The following MYRIP variants were observed in gnomAD, a reference collection of about 807,000 sequenced individuals.
MYRIP encodes rab effector MyRIP.
Under a neutral mutation model 98.0 loss-of-function variants are expected in MYRIP, and 49 were observed. The observed-to-expected ratio is 0.50, with a 90% CI of 0.40 to 0.63. The LOEUF is 0.63. MYRIP is among the 30% of genes least tolerant of loss of function. The pLI, the probability that MYRIP is intolerant of heterozygous loss-of-function variation, is 0.00. For missense variants in MYRIP, 1,004 were observed against 1,058.2 expected (o/e 0.95, Z 0.71); for synonymous variants, 404 against 409.5 (o/e 0.99, Z 0.16).
chr3:40,049,257 A>G (rs1363295530), intron 3 of MYRIP, among the ~76,000 whole-genome samples: 1 of 152,060 alleles, frequency 6.6e-6, no homozygotes, highest in Non-Finnish European at 1.5e-5. Context: ...GTTTGTGGCA[A>G]CCCTGCATTG....
intron 1 of MYRIP, among the ~76,000 whole-genome samples, chr3:39,896,080 T>C (rs1943604758): frequency 6.6e-6 from 1 of 152,188 alleles, no homozygotes; most frequent in African/African-American, 2.4e-5. Context: ...TGTCAGTGAC[T>C]TAGAGAAACT....
intron 2 of MYRIP, among the ~76,000 whole-genome samples, chr3:39,940,459 A>G (rs1367446763): frequency 1.3e-5 from 2 of 152,114 alleles, no homozygotes; most frequent in African/African-American, 2.4e-5. Flanking sequence ...TTAAGTAGCT[A>G]GTGTAGTGGA....
At chr3:40,085,664 C>T (rs1246785016) in intron 3 of MYRIP, among the ~76,000 whole-genome samples, 1 of 152,038 alleles carries the variant, frequency 6.6e-6, no homozygotes, top group East Asian at 1.9e-4. Context: ...AGCAGAGCAG[C>T]CCCAGCAAGG....
intron 1 of MYRIP, among the ~76,000 whole-genome samples, chr3:39,851,653 A>G (rs1188591040): frequency 6.6e-6 from 1 of 152,192 alleles, no homozygotes; most frequent in East Asian, 1.9e-4. Flanking sequence ...ATACAGGGAT[A>G]ATTAGATCTC....
chr3:39,878,024 T>G (rs1390145928), intron 1 of MYRIP, among the ~76,000 whole-genome samples: 1 of 152,236 alleles, frequency 6.6e-6, no homozygotes, highest in Non-Finnish European at 1.5e-5. Flanking sequence ...GGCTGCTTTG[T>G]TTACCTAAGC....
intron 7 of MYRIP, among the ~76,000 whole-genome samples, chr3:40,167,638 C>T (rs1482323564): frequency 6.6e-6 from 1 of 152,130 alleles, no homozygotes; most frequent in Non-Finnish European, 1.5e-5. Flanking sequence ...AAGTTAAGGG[C>T]CCAGTCCCAC....
At chr3:39,831,948 C>G (rs1186473119) in intron 1 of MYRIP, among the ~76,000 whole-genome samples, 1 of 152,122 alleles carries the variant, frequency 6.6e-6, no homozygotes, top group Admixed American at 6.5e-5. Flanking sequence ...TATTCACAAC[C>G]AAGTTAAAGG....
At chr3:39,867,046 C>A (rs1684178596) in intron 1 of MYRIP, among the ~76,000 whole-genome samples, 1 of 152,070 alleles carries the variant, frequency 6.6e-6, no homozygotes, top group South Asian at 2.1e-4. Context: ...TAACTAATAC[C>A]TAATAGTGAA....
chr3:40,142,047 ATTTTTT>A (rs768094065), intron 3 of MYRIP, among the ~76,000 whole-genome samples: 1 of 95,950 alleles, frequency 1.0e-5, no homozygotes, highest in Non-Finnish European at 2.0e-5. Flanking sequence ...TATGCTGTTG[ATTTTTT>A]TTTTTTTTTT....
intron 12 of MYRIP, among the ~76,000 whole-genome samples, chr3:40,240,381 C>T (rs946103010): frequency 2.0e-5 from 3 of 152,132 alleles, no homozygotes; most frequent in African/African-American, 2.4e-5. Flanking sequence ...TCTGAGGTAC[C>T]GGGTTCATCT....
intron 3 of MYRIP, among the ~76,000 whole-genome samples, chr3:40,082,890 A>T (rs1948510147): frequency 6.6e-6 from 1 of 152,234 alleles, no homozygotes; most frequent in African/African-American, 2.4e-5. Context: ...GACACTTAAT[A>T]AGATAAAATC....
intron 12 of MYRIP, among the ~76,000 whole-genome samples, chr3:40,234,974 C>T (rs1238367130): frequency 7.8e-6 from 1 of 128,938 alleles, no homozygotes; most frequent in East Asian, 2.3e-4. Context: ...GCCTGGGCAA[C>T]AGAGCAAGAC....
intron 8 of MYRIP, among the ~76,000 whole-genome samples, chr3:40,172,109 G>A (rs560633983): frequency 3.2e-4 from 48 of 152,252 alleles, no homozygotes; most frequent in Non-Finnish European, 5.6e-4. Context: ...CAAGGTTGGG[G>A]TGGGGACACA....
chr3:40,110,879 GGGGTGTGT>G (rs1452175234), intron 3 of MYRIP, among the ~76,000 whole-genome samples: 1 of 109,980 alleles, frequency 9.1e-6, no homozygotes, highest in Admixed American at 1.1e-4. Flanking sequence ...AGTTCATGAA[GGGGTGTGT>G]GTGTGTGTGT....
At chr3:39,823,543 A>G (rs113585399) in intron 1 of MYRIP, among the ~76,000 whole-genome samples, 6 of 152,270 alleles carry the variant, frequency 3.9e-5, no homozygotes, top group South Asian at 2.1e-4. Flanking sequence ...GATAATAGCC[A>G]TCCTAACTGG....
intron 1 of MYRIP, among the ~76,000 whole-genome samples, chr3:39,890,805 C>T (rs926932081): frequency 5.3e-5 from 8 of 151,972 alleles, no homozygotes; most frequent in African/African-American, 1.4e-4. Flanking sequence ...GTATAATTGT[C>T]GCTATTTCTT....
chr3:39,845,279 T>C (rs982098737), intron 1 of MYRIP, among the ~76,000 whole-genome samples: 1 of 152,174 alleles, frequency 6.6e-6, no homozygotes, highest in Non-Finnish European at 1.5e-5. Flanking sequence ...GACATTTACT[T>C]TGGGCACAGA....
chr3:39,930,306 C>T (rs1268195500), intron 2 of MYRIP, among the ~76,000 whole-genome samples: 2 of 151,964 alleles, frequency 1.3e-5, no homozygotes, highest in South Asian at 2.1e-4. Flanking sequence ...TGATGTTGAG[C>T]GTCTTCCCAC....
chr3:39,886,524 G>A (rs1249413303), intron 1 of MYRIP, among the ~76,000 whole-genome samples: 4 of 151,122 alleles, frequency 2.6e-5, no homozygotes, highest in African/African-American at 7.4e-5. Context: ...ACAAAAAAAG[G>A]CAGGGGTTGC....
Sources: allele counts gnomAD v4.1 joint callset (sites outside exome capture counted in the v4.1 genomes callset), GRCh38; gene constraint gnomAD v4.1.1; transcripts MANE v1.5; gene names NCBI Gene and HGNC (gene_info 2026-07-23, HGNC 2026-07-21).